ATF3: variants seen among roughly 807,000 people sequenced by gnomAD.
ATF3 encodes cyclic AMP-dependent transcription factor ATF-3.
Under a neutral mutation model 18.4 loss-of-function variants are expected in ATF3, and 10 were observed. That is an observed-to-expected ratio of 0.54 (90% CI 0.34 to 0.92). The LOEUF (loss-of-function observed/expected upper bound fraction) is 0.92, where lower values mean the gene tolerates loss of function less well. Ranked by LOEUF, ATF3 falls within the 40% of genes least tolerant of loss-of-function variation. ATF3 has a pLI of 0.02. For synonymous variants in ATF3, 78 were observed against 87.9 expected (o/e 0.89, Z 0.63); for missense variants, 183 against 222.3 (o/e 0.82, Z 1.12).
intron 1 of ATF3, among the ~76,000 whole-genome samples, chr1:212,590,022 G>C (rs145482069): frequency 1.3e-5 from 2 of 152,130 alleles, no homozygotes; most frequent in East Asian, 3.9e-4. Context: ...TTAGTTATAG[G>C]ATGTACTTAA....
chr1:212,603,776 A>ATATGTGTG (rs1553303457), upstream of ATF3, among the ~76,000 whole-genome samples: 14 of 149,486 alleles, frequency 9.4e-5, no homozygotes, highest in Non-Finnish European at 1.6e-4. Flanking sequence ...GTGTATATAT[A>ATATGTGTG]TGTGTGTGTG....
chr1:212,591,261 C>CAGAG (rs1309047600), intron 1 of ATF3, among the ~76,000 whole-genome samples: 6 of 152,226 alleles, frequency 3.9e-5, no homozygotes, highest in African/African-American at 1.4e-4. Context: ...GCTCCTTAGA[C>CAGAG]AGAGAGGTCC....
At chr1:212,612,499 T>C (rs1654937629) in intron 1 of ATF3, among the ~76,000 whole-genome samples, 1 of 152,128 alleles carries the variant, frequency 6.6e-6, no homozygotes, top group South Asian at 2.1e-4. Flanking sequence ...TTAATAAACT[T>C]GGAAAGGGAA....
At chr1:212,574,258 G>A (rs1275194882) in intron 1 of ATF3, among the ~76,000 whole-genome samples, 3 of 151,306 alleles carry the variant, frequency 2.0e-5, no homozygotes, top group African/African-American at 7.3e-5. Context: ...GATATATTGT[G>A]CTCTTATTTT....
At chr1:212,591,684 A>G (rs1042562975) in intron 1 of ATF3, among the ~76,000 whole-genome samples, 1 of 152,196 alleles carries the variant, frequency 6.6e-6, no homozygotes, top group African/African-American at 2.4e-5. Context: ...GGAATTTGCA[A>G]ACGTACACAT....
chr1:212,572,264 C>T (rs1298793129), intron 1 of ATF3, among the ~76,000 whole-genome samples: 6 of 152,092 alleles, frequency 3.9e-5, no homozygotes, highest in Admixed American at 3.9e-4. Flanking sequence ...CGTCTGTAAT[C>T]TCAGCACTTT....
chr1:212,590,999 A>G (rs1224846054), intron 1 of ATF3, among the ~76,000 whole-genome samples: 1 of 152,232 alleles, frequency 6.6e-6, no homozygotes, highest in Non-Finnish European at 1.5e-5. Context: ...GTTTGTTGAA[A>G]GAATACAATT....
upstream of ATF3, among the ~76,000 whole-genome samples, chr1:212,606,432 T>C (rs1229749356): frequency 1.3e-5 from 2 of 152,234 alleles, no homozygotes; most frequent in Non-Finnish European, 2.9e-5. Flanking sequence ...GGAGGCACAA[T>C]GGTAATAAGA....
chr1:212,591,820 T>TTTTA (rs1019539139), intron 1 of ATF3, among the ~76,000 whole-genome samples: 7 of 152,102 alleles, frequency 4.6e-5, no homozygotes, highest in Admixed American at 1.3e-4. Context: ...TTTTTTAAAT[T>TTTTA]TTTATTTATT....
chr1:212,569,157 C>T (rs1664435161), intron 1 of ATF3, among the ~76,000 whole-genome samples: 1 of 152,088 alleles, frequency 6.6e-6, no homozygotes, highest in Non-Finnish European at 1.5e-5. Flanking sequence ...TTCCTCTTTT[C>T]CCATCTCTCC....
At chr1:212,600,723 C>T (rs1654457014) in intron 1 of ATF3, among the ~76,000 whole-genome samples, 1 of 152,212 alleles carries the variant, frequency 6.6e-6, no homozygotes, top group South Asian at 2.1e-4. Flanking sequence ...GCCCTTGCTG[C>T]ATCAGGCTGT....
Position 212,579,980 on chromosome 1 carries a change from TAAA to T in ATF3, c.-5+14511_-5+14513del, listed in dbSNP as rs776918394. On this transcript the variant is annotated intron_variant, in intron 1 of 3. Coordinates refer to the ATF3 transcript ENST00000366981. Reference sequence around the variant, plus strand: ...TAACATGGTGAAACCCCGTCTCTACTAAAAAAAAAAAAAAAACTTAGCTGGGCC... The same window carrying T: ...TAACATGGTGAAACCCCGTCTCTACTAAAAAAAAAAAAACTTAGCTGGGCC... Among the ~76,000 whole-genome samples, 23 of 130,586 alleles carry T rather than the reference TAAA, an allele frequency of 1.8e-4. No homozygotes were observed. The East Asian group carries it at 4.9e-3, about 28-fold the overall frequency. The allele number at this position is 130,586 out of a possible 152,430, so 85.7% of individuals were successfully genotyped here.
At chr1:212,614,538 GA>G (rs1655021485) in intron 1 of ATF3, among the ~76,000 whole-genome samples, 1 of 138,180 alleles carries the variant, frequency 7.2e-6, no homozygotes, top group Admixed American at 7.5e-5. Flanking sequence ...AAGCCTCTTT[GA>G]AAAAGAGGCT....
intron 1 of ATF3, among the ~76,000 whole-genome samples, chr1:212,593,302 AG>A (rs1664923989): frequency 1.2e-5 from 1 of 85,002 alleles, no homozygotes; most frequent in Non-Finnish European, 2.4e-5. Context: ...GGGTGGGGGG[AG>A]GGGGTAGGGA....
upstream of ATF3, among the ~76,000 whole-genome samples, chr1:212,606,012 T>C (rs1252043579): frequency 6.6e-6 from 1 of 152,232 alleles, no homozygotes; most frequent in Non-Finnish European, 1.5e-5. Context: ...CTCCACTTCA[T>C]GGCACTGCCT....
intron 1 of ATF3, among the ~76,000 whole-genome samples, chr1:212,579,516 C>A (rs1331055096): frequency 6.6e-6 from 1 of 152,158 alleles, no homozygotes; most frequent in African/African-American, 2.4e-5. Flanking sequence ...AGGACTGAAC[C>A]TTTGGAGTTT....
intron 1 of ATF3, among the ~76,000 whole-genome samples, chr1:212,601,739 GT>G (rs765726309): frequency 1.9e-4 from 29 of 152,120 alleles, no homozygotes; most frequent in Middle Eastern, 3.2e-3. Flanking sequence ...CACACATCAA[GT>G]TTTTTTAAAT....
chr1:212,574,748 C>T (rs1369297947), intron 1 of ATF3, among the ~76,000 whole-genome samples: 1 of 152,100 alleles, frequency 6.6e-6, no homozygotes, highest in African/African-American at 2.4e-5. Flanking sequence ...TTGTCCCAGT[C>T]TCATGAGTTC....
intron 1 of ATF3, among the ~76,000 whole-genome samples, chr1:212,589,483 A>T (rs770401549): frequency 1.3e-5 from 2 of 152,112 alleles, no homozygotes; most frequent in Non-Finnish European, 2.9e-5. Flanking sequence ...GAAGAACTAA[A>T]TTATAAATAA....
Sources: gnomAD v4.1 joint callset for allele counts (sites outside exome capture counted in the v4.1 genomes callset) on GRCh38, gnomAD v4.1.1 for gene constraint, MANE v1.5 for transcripts, NCBI Gene and HGNC (gene_info 2026-07-23, HGNC 2026-07-21) for gene names.